The following KIF21B variants were observed in gnomAD, a reference collection of about 807,000 sequenced individuals.
The protein encoded by KIF21B is kinesin family member 21B.
KIF21B carries 85 observed loss-of-function variants against 192.9 expected under a neutral mutation model. The observed-to-expected ratio is 0.44, with a 90% CI of 0.37 to 0.53. KIF21B has a LOEUF of 0.53. KIF21B is among the 20% of genes least tolerant of loss of function. The pLI, the probability that KIF21B is intolerant of heterozygous loss-of-function variation, is 0.00. For synonymous variants in KIF21B, 832 were observed against 884.6 expected (o/e 0.94, Z 1.05); for missense variants, 1,716 against 2,194.8 (o/e 0.78, Z 4.36).
rs913262378 is a variant in KIF21B at position 200,982,696 on chromosome 1, T to C, written c.3842+360A>G. Among the ~76,000 whole-genome samples, 2 of 152,034 alleles carry C rather than the reference T, an allele frequency of 1.3e-5. No individual in the cohort carries two copies. The highest frequency in any genetic ancestry group is 4.8e-5 in the African/African-American group (2 of 41,380). On this transcript the variant is annotated intron_variant, in intron 28 of 34. Coordinates refer to ENST00000461742, the MANE Select transcript of KIF21B (RefSeq NM_001252102.2). The surrounding 1 kb of genome is among the most constrained non-coding windows in gnomAD (Gnocchi z 4.7). ...CCCAAAAGGAGCAGCCTTCAGCATT[T>C]CCCCTGCCTTCCAGTCGTGGAGAAC...
At position 200,999,393 on chromosome 1, in the gene KIF21B, C is replaced by T; in HGVS notation, c.1841G>A (p.Ser614Asn). The T allele has an allele frequency of 6.2e-7, 1 of 1,614,164 alleles. No homozygotes were observed. The change falls in exon 13 of 35, where the codon AGT becomes AAT. Residue 614 changes from serine to asparagine, a missense_variant. By Grantham distance (46) the Ser-to-Asn change is conservative. Transcript: ENST00000461742. The surrounding 1 kb of genome is among the most constrained non-coding windows in gnomAD (Gnocchi z 4.7). Reference sequence around the variant, plus strand: ...GTCTGAGTCCACCAGGCTCTCTTCACTGCCCGAGTCCTCATCTTCATCCTC... The same window carrying T: ...GTCTGAGTCCACCAGGCTCTCTTCATTGCCCGAGTCCTCATCTTCATCCTC... ...GREDEDEDSGSEESLVDSDSD... is the reference protein window; with the variant it reads ...GREDEDEDSGNEESLVDSDSD...
chr1:200,999,719 T>A lies in KIF21B; in HGVS notation c.1767+164A>T, dbSNP rs1159400236. On this transcript the variant is annotated intron_variant, in intron 12 of 34. Transcript: ENST00000461742. The surrounding 1 kb of genome is among the most constrained non-coding windows in gnomAD (Gnocchi z 4.7). ...GAGGTGGGGTCCTAGGGGATGGAGA[T>A]CACCATGGTAACCAGTCAGAGATAT... 6.6e-6 allele frequency among the ~76,000 whole-genome samples: 1 copy of A among 151,792 alleles called. No homozygotes were observed. The highest frequency in any genetic ancestry group is 1.5e-5 in the Non-Finnish European group (1 of 67,980).
chr1:200,974,961 G>C, intron 33 of KIF21B, 48 bp from the exon 34 acceptor site: 1 of 1,575,050 alleles, frequency 6.3e-7, no homozygotes, highest in Non-Finnish European at 8.7e-7. Flanking sequence ...TGATGAGGGA[G>C]AGAACCTGCC....
At chr1:200,997,811 G>A (rs189900957) in intron 14 of KIF21B, among the ~76,000 whole-genome samples, 1 of 151,990 alleles carries the variant, frequency 6.6e-6, no homozygotes, top group Non-Finnish European at 1.5e-5. Context: ...CCCCTTCCTG[G>A]CTATACTTAT....
chr1:200,993,202 G>A (rs772937469), intron 15 of KIF21B, among the ~76,000 whole-genome samples: 18 of 152,258 alleles, frequency 1.2e-4, no homozygotes, highest in Non-Finnish European at 2.2e-4. Flanking sequence ...CTCGGGCCCT[G>A]CGGCATCTGC....
At chr1:201,016,887 C>T (rs1009099282) in intron 1 of KIF21B, among the ~76,000 whole-genome samples, 4 of 152,124 alleles carry the variant, frequency 2.6e-5, no homozygotes, top group Admixed American at 2.6e-4. Flanking sequence ...AGGCCTTGGC[C>T]GGCATGGTGC....
At chr1:201,021,815 A>C (rs959607463) in intron 1 of KIF21B, among the ~76,000 whole-genome samples, 2 of 151,732 alleles carry the variant, frequency 1.3e-5, no homozygotes, top group African/African-American at 4.8e-5. Flanking sequence ...CCAGAGCTTC[A>C]TTTCCCTTTT....
chr1:200,984,958 C>T lies in KIF21B; in HGVS notation c.3704G>A (p.Gly1235Glu). 6.2e-7 allele frequency: 1 copy of T among 1,607,020 alleles called. No individual in the cohort carries two copies. Among genetic ancestry groups the T allele is most frequent in the Non-Finnish European group, 8.5e-7 (1 of 1,177,372 alleles). ...RGQPIRSTDV[G>E]FTPPSSPPTR... is the part of the protein sequence containing the mutation. ...GGGAGGGGATGATGGGGGTGTGAAT[C>T]CCACATCTGTGGACCTGGTGAGTCG... The change falls in exon 27 of 35, where the codon GGA (glycine) becomes GAA (glutamate). Residue 1235 changes from glycine (G) to glutamate (E), a missense_variant. Physicochemically the swap from Gly to Glu is moderately conservative, Grantham distance 98 (BLOSUM62 -2). Transcript: ENST00000461742.
chr1:201,001,361 T>C (rs943635281), intron 9 of KIF21B: 4 of 152,956 alleles, frequency 2.6e-5, no homozygotes, highest in Non-Finnish European at 4.4e-5. Flanking sequence ...TGGGACACCA[T>C]GGCAGAAGAT....
In KIF21B at chr1:201,023,359, C is replaced by T; in HGVS notation, c.25G>A (p.Val9Ile). The T allele has an allele frequency of 6.5e-6, 10 of 1,530,038 alleles. No individual in the cohort carries two copies. Among genetic ancestry groups the T allele is most frequent in the Non-Finnish European group, 8.8e-6 (10 of 1,140,880 alleles). The allele number at this position is 1,530,038 out of a possible 1,614,324, so 94.8% of individuals were successfully genotyped here. The change falls in exon 1 of 35, where the codon GTC becomes ATC. Residue 9 changes from valine (V) to isoleucine (I), a missense_variant. Physicochemically the swap from Val to Ile is conservative, Grantham distance 29. This residue lies in a region of KIF21B where 1,087 missense variants were observed against 1,316.6 expected (regional missense o/e 0.83). Coordinates refer to ENST00000461742, the MANE Select transcript of KIF21B (RefSeq NM_001252102.2). The surrounding 1 kb of genome is among the most constrained non-coding windows in gnomAD (Gnocchi z 5.9). ...GGTCCCTACCTGACGGCCACCTTGA[C>T]GCAGCAGTCCCCCTGGCCGGCCATG... MAGQGDCC[V>I]KVAVRIRPQL... is the part of the protein sequence containing the mutation.
chr1:200,990,694 T>C lies in KIF21B; in HGVS notation c.2717A>G (p.Gln906Arg), dbSNP rs1356391242. 1.2e-6 allele frequency: 2 copies of C among 1,614,202 alleles called. No individual in the cohort carries two copies. The highest frequency in any genetic ancestry group is 1.7e-6 in the Non-Finnish European group (2 of 1,180,024). Residue 906 changes from glutamine (Q) to arginine (R), a missense_variant, in exon 19 of 35, where the codon CAG becomes CGG. By Grantham distance (43) the Gln-to-Arg change is conservative. Coordinates refer to ENST00000461742, the MANE Select transcript of KIF21B (RefSeq NM_001252102.2). This position sits in a 1 kb window ranked among gnomAD's most constrained non-coding sequence, Gnocchi z 5.4. ...GAGCCTTGCCGCCTTACTGAAGCTC[T>C]GGCTGGCCCCCTTCTTCTGGAACTT... ...RKKFQKKGAS[Q>R]SFSKAARLKW...
At chr1:201,009,092 T>C (rs1409953311) in intron 2 of KIF21B, 141 bp from the exon 3 acceptor site, 20 of 1,199,578 alleles carry the variant, frequency 1.7e-5, no homozygotes, top group Non-Finnish European at 2.3e-5. Flanking sequence ...AGCCACACTC[T>C]GGGGAAATCA....
At chr1:200,983,004 G>C in intron 28 of KIF21B, 52 bp downstream of exon 28, 14 of 1,487,556 alleles carry the variant, frequency 9.4e-6, no homozygotes, top group Admixed American at 2.0e-5. Context: ...GAGAAGAGAG[G>C]GTGCCGAGAG....
At chr1:200,992,445 A>G in intron 15 of KIF21B, 56 bp from the exon 16 acceptor site, 1 of 1,562,402 alleles carries the variant, frequency 6.4e-7, no homozygotes, top group Non-Finnish European at 8.8e-7. Context: ...GGTGGCCCAC[A>G]CTCTCCAGGG....
intron 1 of KIF21B, among the ~76,000 whole-genome samples, chr1:201,021,153 A>T (rs1658798105): frequency 6.6e-6 from 1 of 152,188 alleles, no homozygotes; most frequent in Non-Finnish European, 1.5e-5. Context: ...TCTAAAAACA[A>T]GGAAAACTCC....
At chr1:200,991,627 G>A (rs1203329552) in intron 17 of KIF21B, 30 bp downstream of exon 17, 2 of 1,610,184 alleles carry the variant, frequency 1.2e-6, no homozygotes, top group Non-Finnish European at 1.7e-6. Flanking sequence ...AGCAGGGCCA[G>A]GGCCTCGCCA....
chr1:200,977,269 G>A lies in KIF21B; in HGVS notation c.4268C>T (p.Ser1423Leu), dbSNP rs1191391325. Residue 1423 changes from serine to leucine, a missense_variant, in exon 31 of 35, where the codon TCG becomes TTG. Around this residue, in one of 3 missense-constraint regions of KIF21B, gnomAD observed 580 missense variants for 775.5 expected, o/e 0.75. Coordinates refer to ENST00000461742, the MANE Select transcript of KIF21B (RefSeq NM_001252102.2). ...HQINQIALSPSGTMLYAASGN... is the reference protein window; with the variant it reads ...HQINQIALSPLGTMLYAASGN... ...CGAGGCGGCGTACAGCATGGTGCCCGAAGGGCTGAGGGCGATCTGGTTGAT... is the reference window on the plus strand; with the variant it reads ...CGAGGCGGCGTACAGCATGGTGCCCAAAGGGCTGAGGGCGATCTGGTTGAT... The A allele has an allele frequency of 6.8e-6, 11 of 1,614,066 alleles. No individual in the cohort carries two copies. Among genetic ancestry groups the A allele is most frequent in the South Asian group, 1.1e-5 (1 of 91,088 alleles).
chr1:200,989,014 C>T (rs1656499782), intron 21 of KIF21B, 83 bp from the exon 22 acceptor site: 1 of 1,377,606 alleles, frequency 7.3e-7, no homozygotes, highest in African/African-American at 1.5e-5. Flanking sequence ...CCCCTCAAGA[C>T]ACCTTGGAGT....
chr1:200,973,625 G>A, intron 34 of KIF21B, 47 bp from the exon 35 acceptor site: 1 of 1,521,906 alleles, frequency 6.6e-7, no homozygotes, highest in Non-Finnish European at 8.7e-7. Context: ...CTCTTGCAGT[G>A]GGCTTGGCTG....
Sources: gnomAD v4.1 joint callset for allele counts (sites outside exome capture counted in the v4.1 genomes callset) on GRCh38, gnomAD v4.1.1 for gene constraint, gnomAD v4.1.1 regional missense constraint, Gnocchi (gnomAD v3.1) non-coding constraint, MANE v1.5 for transcripts, NCBI Gene and HGNC (gene_info 2026-07-23, HGNC 2026-07-21) for gene names.